Variants in KCNG2 observed in about 807,000 individuals in gnomAD.
The protein encoded by KCNG2 is voltage-gated potassium channel regulatory subunit KCNG2.
Under a neutral mutation model 12.3 loss-of-function variants are expected in KCNG2, and 7 were observed. The observed-to-expected ratio is 0.57, with a 90% CI of 0.32 to 1.07. The LOEUF is 1.07. Ranked by LOEUF, KCNG2 falls within the 50% of genes least tolerant of loss-of-function variation. The probability of loss-of-function intolerance (pLI) is 0.04; values close to 1 mark genes in which losing one functional copy is unlikely to be tolerated. For synonymous variants in KCNG2, 414 were observed against 351.4 expected, an observed-to-expected ratio of 1.18 and a Z score of -1.99; for missense variants, 703 against 726.0, an observed-to-expected ratio of 0.97 and a Z score of 0.36.
chr18:79,887,689 C>T (rs1426362175), intron 3 of KCNG2, among the ~76,000 whole-genome samples: 1 of 152,174 alleles, frequency 6.6e-6, no homozygotes, highest in Non-Finnish European at 1.5e-5. Context: ...GCCTAGGCCC[C>T]TGAGCTCTGG....
intron 3 of KCNG2, among the ~76,000 whole-genome samples, chr18:79,889,583 G>A (rs554421093): frequency 3.9e-5 from 6 of 152,300 alleles, no homozygotes; most frequent in South Asian, 2.1e-4. Flanking sequence ...GATTGTTGTC[G>A]CATATTCTAC....
intron 3 of KCNG2, among the ~76,000 whole-genome samples, chr18:79,891,867 G>T (rs1980754902): frequency 6.6e-6 from 1 of 152,152 alleles, no homozygotes; most frequent in East Asian, 1.9e-4. Context: ...TTCTACGGAT[G>T]TCTGTGAGGT....
In KCNG2 at chr18:79,899,144, GT is replaced by G. The variant is rs745666906; in HGVS notation, c.730del (p.Cys244AlafsTer55). On this transcript the variant is annotated frameshift_variant, in exon 4 of 4. Coordinates refer to ENST00000316249, the MANE Select transcript of KCNG2 (RefSeq NM_012283.2). LOFTEE classifies it low-confidence loss of function (END_TRUNC). The stretch of plus-strand genomic sequence containing the variant: ...TGCGCTCCCTGCAGGCCGAGAGCAA[GT>G]GCGCCTTCCTGCGCGCGCCACTCAA... ...LLRSLQAESKCAFLRAPLNII... is the reference protein window; with the variant it reads ...LLRSLQAESKXAFLRAPLNII... 3 of 1,607,630 alleles carry G rather than the reference GT, an allele frequency of 1.9e-6. No homozygotes were observed. In the South Asian group the frequency reaches 3.3e-5, roughly 18 times the overall value.
At chr18:79,853,994 A>C (rs1178789509) in intron 1 of KCNG2, among the ~76,000 whole-genome samples, 1 of 152,226 alleles carries the variant, frequency 6.6e-6, no homozygotes, top group Non-Finnish European at 1.5e-5. Flanking sequence ...AGTGGAATCC[A>C]CCACGCATGG....
At chr18:79,882,546 AAAG>A (rs1980338255) in intron 3 of KCNG2, among the ~76,000 whole-genome samples, 1 of 152,274 alleles carries the variant, frequency 6.6e-6, no homozygotes, top group Non-Finnish European at 1.5e-5. Context: ...ACACTTCACC[AAAG>A]AAGACACGCC....
At chr18:79,893,396 A>ACTCCT (rs1555696735) in intron 3 of KCNG2, among the ~76,000 whole-genome samples, 1 of 145,700 alleles carries the variant, frequency 6.9e-6, no homozygotes, top group Non-Finnish European at 1.5e-5. Flanking sequence ...TGGGTTCTTC[A>ACTCCT]TTGTTAACAA....
In KCNG2 at chr18:79,885,002, A is replaced by G. The variant is rs111794347; in HGVS notation, c.625-14038A>G. Among the ~76,000 whole-genome samples the G allele has an allele frequency of 1.7e-3, 256 of 151,578 alleles. 1 individual carries two copies. The highest frequency in any genetic ancestry group is 6.0e-3 in the African/African-American group (246 of 41,316). ...CCCTCCCCAAAGAAGCGCTTGCCCA[A>G]CTCTCGGGGTGCTTGCTCACACCCC... On this transcript the variant is annotated intron_variant, in intron 3 of 3. Transcript: ENST00000316249.
chr18:79,810,382 C>T (rs908942286), intron 1 of KCNG2, among the ~76,000 whole-genome samples: 9 of 152,186 alleles, frequency 5.9e-5, no homozygotes, highest in Non-Finnish European at 1.3e-4. Flanking sequence ...CAGCACAGCT[C>T]TACAGGGCAG....
At chr18:79,804,303 C>G (rs576723937) in intron 1 of KCNG2, among the ~76,000 whole-genome samples, 1 of 152,226 alleles carries the variant, frequency 6.6e-6, no homozygotes, top group Non-Finnish European at 1.5e-5. Context: ...GGACTCTGCC[C>G]GTCAGCACCC....
At chr18:79,875,570 G>T (rs891929157) in intron 3 of KCNG2, among the ~76,000 whole-genome samples, 3 of 152,210 alleles carry the variant, frequency 2.0e-5, no homozygotes, top group South Asian at 2.1e-4. Flanking sequence ...TGACAATGGG[G>T]AAGAAAGAGA....
rs577633000 is a variant in KCNG2, at chr18:79,899,534, C to G, written c.1119C>G (p.Gly373=). ...TCTCCATGACCACCGTGGGCTACGG[C>G]GACATGGTCCCGCGCAGCCTGCCCG... ...AVISMTTVGY[G]DMVPRSLPGQ... Residue 373 remains glycine, a synonymous_variant, in exon 4 of 4, where the codon GGC becomes GGG. Transcript: ENST00000316249. 1.9e-6 allele frequency: 3 copies of G among 1,606,364 alleles called. No individual in the cohort carries two copies. In the South Asian group the frequency reaches 3.3e-5, roughly 18 times the overall value.
chr18:79,824,625 G>A (rs577570150), intron 1 of KCNG2, among the ~76,000 whole-genome samples: 22 of 152,146 alleles, frequency 1.4e-4, no homozygotes, highest in Non-Finnish European at 2.6e-4. Context: ...TTAAGAGAGC[G>A]GCTTTAGAAC....
intron 3 of KCNG2, among the ~76,000 whole-genome samples, chr18:79,887,469 C>T (rs1980570404): frequency 6.6e-6 from 1 of 152,112 alleles, no homozygotes; most frequent in African/African-American, 2.4e-5. Context: ...GAGCTCCGGC[C>T]TGAATTTGCC....
chr18:79,818,872 G>A (rs1301760336), intron 1 of KCNG2, among the ~76,000 whole-genome samples: 2 of 152,184 alleles, frequency 1.3e-5, no homozygotes, highest in South Asian at 2.1e-4. Context: ...AGAAGCACCC[G>A]GCAGCCATGA....
intron 1 of KCNG2, among the ~76,000 whole-genome samples, chr18:79,817,219 CCACACGGCTGT>C (rs2087536113): frequency 9.8e-6 from 1 of 101,610 alleles, no homozygotes; most frequent in East Asian, 2.4e-4. Flanking sequence ...CACACGGCTG[CCACACGGCTGT>C]CACACACCTG....
intron 1 of KCNG2, among the ~76,000 whole-genome samples, chr18:79,849,531 C>T (rs1978743743): frequency 6.6e-6 from 1 of 152,222 alleles, no homozygotes; most frequent in Non-Finnish European, 1.5e-5. Context: ...CCCTCCCCGC[C>T]TTGCTCTGCG....
intron 1 of KCNG2, among the ~76,000 whole-genome samples, chr18:79,851,463 A>G (rs1174279235): frequency 6.6e-6 from 1 of 152,196 alleles, no homozygotes; most frequent in Non-Finnish European, 1.5e-5. Flanking sequence ...GTCAAGATGG[A>G]GTAGCTCCGG....
At chr18:79,869,897 C>T (rs1036322503) in intron 3 of KCNG2, among the ~76,000 whole-genome samples, 3 of 152,266 alleles carry the variant, frequency 2.0e-5, no homozygotes, top group Non-Finnish European at 2.9e-5. Flanking sequence ...CCACGCGGGA[C>T]GGCCCGCAGC....
At chr18:79,832,117 C>T (rs1364202846) in intron 1 of KCNG2, among the ~76,000 whole-genome samples, 1 of 152,172 alleles carries the variant, frequency 6.6e-6, no homozygotes, top group Admixed American at 6.5e-5. Context: ...CTCCGAGGTA[C>T]ATCTATCCGC....
Sources: allele counts gnomAD v4.1 joint callset (sites outside exome capture counted in the v4.1 genomes callset), GRCh38; gene constraint gnomAD v4.1.1; transcripts MANE v1.5; gene names NCBI Gene and HGNC (gene_info 2026-07-23, HGNC 2026-07-21).